The following TRIT1 variants were observed in gnomAD, a reference collection of about 807,000 sequenced individuals.
TRIT1 encodes tRNA dimethylallyltransferase.
In TRIT1, 43 loss-of-function variants were observed where a neutral mutation model predicts 51.2. The observed-to-expected ratio is 0.84, with a 90% CI of 0.66 to 1.08. The LOEUF (loss-of-function observed/expected upper bound fraction) is 1.08. Among genes scored for constraint, TRIT1 ranks in the 50% least tolerant of loss-of-function variants. TRIT1 has a pLI of 0.00. For synonymous variants in TRIT1, 184 were observed against 203.9 expected, an observed-to-expected ratio of 0.90 and a Z score of 0.83; for missense variants, 528 against 578.4, an observed-to-expected ratio of 0.91 and a Z score of 0.89.
intron 1 of TRIT1, among the ~76,000 whole-genome samples, chr1:39,859,944 G>C (rs549129109): frequency 1.3e-5 from 2 of 152,304 alleles, no homozygotes; most frequent in South Asian, 4.2e-4. Flanking sequence ...TAGAAGGCTA[G>C]ATAAAATTTC....
chr1:39,847,102 G>T, intron 8 of TRIT1, 118 bp downstream of exon 8: 2 of 754,034 alleles, frequency 2.7e-6, no homozygotes, highest in Admixed American at 2.7e-5. Context: ...CTTCCCTTAG[G>T]TCAGATCCAA....
chr1:39,859,723 AT>A (rs1270948502), intron 1 of TRIT1, among the ~76,000 whole-genome samples: 1 of 152,174 alleles, frequency 6.6e-6, no homozygotes, highest in Non-Finnish European at 1.5e-5. Flanking sequence ...AAATGATCCC[AT>A]TTTAAAGAGC....
At position 39,853,081 on chromosome 1, in the gene TRIT1, G is replaced by A. The variant is rs59720349; in HGVS notation, c.415-205C>T. 3.0e-3 allele frequency among the ~76,000 whole-genome samples: 450 copies of A among 152,314 alleles called. 4 individuals are homozygous for A. Among genetic ancestry groups the A allele is most frequent in the African/African-American group, 0.011 (437 of 41,568 alleles). The stretch of plus-strand genomic sequence containing the variant: ...AAAAAGACAGAAGACTTACAGCATA[G>A]GGAAACACCTGGCTATTTGCTTCCC... On this transcript the variant is annotated intron_variant, in intron 3 of 10. Coordinates refer to ENST00000316891, the MANE Select transcript of TRIT1 (RefSeq NM_017646.6).
Position 39,841,933 on chromosome 1 carries a change from C to T in TRIT1, c.1235-20G>A, listed in dbSNP as rs753832413. 1 of 1,581,134 alleles carries T rather than the reference C, an allele frequency of 6.3e-7. No homozygotes were observed. Among genetic ancestry groups the T allele is most frequent in the Non-Finnish European group, 8.6e-7 (1 of 1,167,812 alleles). ...TGTGCGCTGATAAGACAAAATCAAACCAAACAAACAAAAAAACTCATTAGG... is the reference window on the plus strand; with the variant it reads ...TGTGCGCTGATAAGACAAAATCAAATCAAACAAACAAAAAAACTCATTAGG... On this transcript the variant is annotated intron_variant, in intron 10 of 10. Transcript: ENST00000316891.
At chr1:39,851,613 C>T (rs1238609630) in intron 4 of TRIT1, among the ~76,000 whole-genome samples, 2 of 151,976 alleles carry the variant, frequency 1.3e-5, no homozygotes, top group Non-Finnish European at 2.9e-5. Flanking sequence ...TTGTGCCCCA[C>T]CCCCCTGCCG....
intron 1 of TRIT1, among the ~76,000 whole-genome samples, chr1:39,858,530 G>A (rs1329526123): frequency 1.3e-5 from 2 of 152,126 alleles, no homozygotes; most frequent in African/African-American, 4.8e-5. Context: ...CACATTTTAA[G>A]GGCCACATTG....
intron 1 of TRIT1, among the ~76,000 whole-genome samples, chr1:39,873,046 T>C (rs1009348008): frequency 5.3e-5 from 8 of 152,310 alleles, no homozygotes; most frequent in South Asian, 2.1e-4. Flanking sequence ...CGCAAATTAT[T>C]TGATAAGCTT....
chr1:39,853,202 T>C (rs1303466845), intron 3 of TRIT1, among the ~76,000 whole-genome samples: 3 of 152,158 alleles, frequency 2.0e-5, no homozygotes, highest in Non-Finnish European at 4.4e-5. Flanking sequence ...GAGACCAGGA[T>C]TGCCAGTGAA....
intron 1 of TRIT1, among the ~76,000 whole-genome samples, chr1:39,870,852 T>C (rs1643857641): frequency 6.6e-6 from 1 of 152,174 alleles, no homozygotes; most frequent in South Asian, 2.1e-4. Context: ...ATGTTTACAA[T>C]AGCTTTCTTT....
chr1:39,840,707 C>T lies in TRIT1; in HGVS notation c.*1037G>A, dbSNP rs1450733178. Among the ~76,000 whole-genome samples, 1 of 152,148 alleles carries T rather than the reference C, an allele frequency of 6.6e-6. No individual in the cohort carries two copies. The highest frequency in any genetic ancestry group is 1.5e-5 in the Non-Finnish European group (1 of 68,036). ...GACAAAAACGTTTTGGAAATAGTGG[C>T]AACGATTGCACAACATTGTGAATGT... On this transcript the variant is annotated 3_prime_UTR_variant, in exon 11 of 11. Coordinates refer to ENST00000316891, the MANE Select transcript of TRIT1 (RefSeq NM_017646.6).
At chr1:39,872,556 G>A (rs1162698640) in intron 1 of TRIT1, among the ~76,000 whole-genome samples, 2 of 152,076 alleles carry the variant, frequency 1.3e-5, no homozygotes, top group Non-Finnish European at 1.5e-5. Context: ...AGCAAGGGGG[G>A]AAGACTAGAA....
chr1:39,866,488 A>G (rs1006290531), intron 1 of TRIT1, among the ~76,000 whole-genome samples: 16 of 152,264 alleles, frequency 1.1e-4, no homozygotes, highest in African/African-American at 3.6e-4. Context: ...GATGTTGAAG[A>G]GTACGGGAAA....
At chr1:39,846,074 C>T (rs1642206441) in intron 8 of TRIT1, among the ~76,000 whole-genome samples, 1 of 152,216 alleles carries the variant, frequency 6.6e-6, no homozygotes, top group Non-Finnish European at 1.5e-5. Flanking sequence ...ATTTGTAATA[C>T]AGCACTGAGC....
Position 39,844,176 on chromosome 1 carries a change from C to CATTG in TRIT1, c.1155_1158dup (p.Glu387GlnfsTer2), listed in dbSNP as rs756782656. ...TGATAACTTCTCTTGTTCTCAGCTTCATTGTATGGCATCTTTATTGGAGTG... is the reference window on the plus strand; with the variant it reads ...TGATAACTTCTCTTGTTCTCAGCTTCATTGATTGTATGGCATCTTTATTGGAGTG... On this transcript the variant is annotated frameshift_variant, in exon 10 of 11. Transcript: ENST00000316891. LOFTEE classifies it high-confidence loss of function. 1.9e-6 allele frequency: 3 copies of CATTG among 1,614,218 alleles called. No individual in the cohort carries two copies. Among genetic ancestry groups the CATTG allele is most frequent in the Non-Finnish European group, 2.5e-6 (3 of 1,180,032 alleles).
At chr1:39,863,338 GC>G (rs543516887) in intron 1 of TRIT1, among the ~76,000 whole-genome samples, 94 of 152,254 alleles carry the variant, frequency 6.2e-4, no homozygotes, top group Non-Finnish European at 1.3e-3. Flanking sequence ...GGTGGCACGT[GC>G]CTCCCGGCTA....
chr1:39,869,216 C>A (rs1231853923), intron 1 of TRIT1, among the ~76,000 whole-genome samples: 3 of 152,290 alleles, frequency 2.0e-5, no homozygotes, highest in East Asian at 1.9e-4. Flanking sequence ...GATTCTCCTG[C>A]TTCAGCCTGC....
chr1:39,882,815 GATTCAGGACTAGA>G lies in TRIT1; in HGVS notation c.174+490_174+502del, dbSNP rs1644304886. 9.2e-5 allele frequency among the ~76,000 whole-genome samples: 14 copies of G among 152,316 alleles called. No homozygotes were observed. In the South Asian group the frequency reaches 2.9e-3, roughly 32 times the overall value. ...ATCCGAAGTCACATGGCCAATGGCA[GATTCAGGACTAGA>G]ATCCAGGTCTCCTGACTGTCAACCC... On this transcript the variant is annotated intron_variant, in intron 1 of 10. Transcript: ENST00000316891.
chr1:39,857,311 G>A lies in TRIT1; in HGVS notation c.281C>T (p.Thr94Ile). 6.2e-7 allele frequency: 1 copy of A among 1,613,552 alleles called. No homozygotes were observed. The highest frequency in any genetic ancestry group is 2.2e-5 in the East Asian group (1 of 44,876). The change falls in exon 2 of 11, where the codon ACA becomes ATA. Residue 94 changes from threonine (T) to isoleucine (I), a missense_variant. Transcript: ENST00000316891. ...TGCTCTATTTCTGAAGTCCACCACTGTGTAATTGGTCACAAGAGGATCCAC... is the reference window on the plus strand; with the variant it reads ...TGCTCTATTTCTGAAGTCCACCACTATGTAATTGGTCACAAGAGGATCCAC... ...SFVDPLVTNYTVVDFRNRATA... is the reference protein window; with the variant it reads ...SFVDPLVTNYIVVDFRNRATA...
chr1:39,867,948 CT>C (rs35131569), intron 1 of TRIT1, among the ~76,000 whole-genome samples: 115 of 144,902 alleles, frequency 7.9e-4, no homozygotes, highest in Middle Eastern at 3.5e-3. Context: ...CTTCAAGATT[CT>C]TTTTTTTTTT....
Sources: gnomAD v4.1 joint callset for allele counts (sites outside exome capture counted in the v4.1 genomes callset) on GRCh38, gnomAD v4.1.1 for gene constraint, MANE v1.5 for transcripts, NCBI Gene and HGNC (gene_info 2026-07-23, HGNC 2026-07-21) for gene names.